Variants in FBXL13 observed in about 807,000 individuals in gnomAD.
FBXL13 encodes the protein F-box and leucine rich repeat protein 13.
Under a neutral mutation model 83.6 loss-of-function variants are expected in FBXL13, and 67 were observed. That is an observed-to-expected ratio of 0.80 (90% CI 0.66 to 0.98). FBXL13 has a LOEUF of 0.98. Among genes scored for constraint, FBXL13 ranks in the 50% least tolerant of loss-of-function variants. The pLI, the probability that FBXL13 is intolerant of heterozygous loss-of-function variation, is 0.00. For synonymous variants in FBXL13, 272 were observed against 299.5 expected (o/e 0.91, Z 0.95); for missense variants, 822 against 866.5 (o/e 0.95, Z 0.64).
intron 17 of FBXL13, among the ~76,000 whole-genome samples, chr7:102,851,120 G>C (rs1805146497): frequency 6.6e-6 from 1 of 152,072 alleles, no homozygotes; most frequent in South Asian, 2.1e-4. Flanking sequence ...TGGCCTTTGA[G>C]GTAATTTTTT....
chr7:102,948,603 T>A (rs1419728319), intron 8 of FBXL13, among the ~76,000 whole-genome samples: 4 of 151,682 alleles, frequency 2.6e-5, no homozygotes, highest in Admixed American at 6.6e-5. Context: ...TTTTGTATTT[T>A]TAGTAGAGAT....
intron 16 of FBXL13, among the ~76,000 whole-genome samples, chr7:102,875,637 A>C (rs143139088): frequency 1.8e-4 from 28 of 152,288 alleles, no homozygotes; most frequent in African/African-American, 6.7e-4. Context: ...AAAAGCAGAA[A>C]CAACCCTGAG....
intron 19 of FBXL13, among the ~76,000 whole-genome samples, chr7:102,820,256 C>T (rs573888626): frequency 6.6e-6 from 1 of 152,304 alleles, no homozygotes; most frequent in East Asian, 1.9e-4. Context: ...ACCAAACCAG[C>T]CCCTTTCTAA....
intron 9 of FBXL13, among the ~76,000 whole-genome samples, chr7:102,927,665 T>G (rs1007985041): frequency 6.6e-6 from 1 of 152,210 alleles, no homozygotes; most frequent in East Asian, 1.9e-4. Flanking sequence ...GAAGGTTCTA[T>G]GCACCCATGC....
At chr7:102,973,709 G>C in intron 6 of FBXL13, 1 of 766,380 alleles carries the variant, frequency 1.3e-6, no homozygotes. Context: ...CCGGACAAAG[G>C]AAGCTCCTCA....
At chr7:102,920,289 A>G (rs1188153549) in intron 10 of FBXL13, among the ~76,000 whole-genome samples, 1 of 152,364 alleles carries the variant, frequency 6.6e-6, no homozygotes, top group Admixed American at 6.5e-5. Context: ...TTCACAGAGC[A>G]AAAGACAGAA....
chr7:102,903,288 A>C (rs950782814), intron 11 of FBXL13, among the ~76,000 whole-genome samples: 4 of 152,020 alleles, frequency 2.6e-5, no homozygotes, highest in Non-Finnish European at 5.9e-5. Flanking sequence ...ACTTTACTGA[A>C]TTTATCAGTT....
chr7:102,813,958 A>G (rs1359972705), intron 19 of FBXL13, among the ~76,000 whole-genome samples: 1 of 152,066 alleles, frequency 6.6e-6, no homozygotes, highest in Non-Finnish European at 1.5e-5. Flanking sequence ...TTTTGACTAC[A>G]TGGATGAACT....
intron 5 of FBXL13, among the ~76,000 whole-genome samples, chr7:103,025,502 G>A (rs1225728493): frequency 6.6e-6 from 1 of 152,176 alleles, no homozygotes; most frequent in African/African-American, 2.4e-5. Context: ...TCACAGATGA[G>A]GAAGTGAGGA....
At chr7:102,830,526 A>G (rs1044365783) in intron 18 of FBXL13, among the ~76,000 whole-genome samples, 5 of 152,342 alleles carry the variant, frequency 3.3e-5, no homozygotes, top group Admixed American at 2.6e-4. Flanking sequence ...CCAGAAAGAC[A>G]TCTGGTTCCC....
chr7:102,941,027 A>T (rs1469010766), intron 8 of FBXL13, among the ~76,000 whole-genome samples: 1 of 152,246 alleles, frequency 6.6e-6, no homozygotes, highest in Non-Finnish European at 1.5e-5. Flanking sequence ...TAGAATGAAC[A>T]TTCTGGAGCC....
At chr7:102,825,753 AAAT>A (rs1450729635) in intron 18 of FBXL13, among the ~76,000 whole-genome samples, 1 of 152,238 alleles carries the variant, frequency 6.6e-6, no homozygotes, top group African/African-American at 2.4e-5. Flanking sequence ...ATGATACCTC[AAAT>A]AATAATGTTT....
In FBXL13 at chr7:103,028,580, G is replaced by T; in HGVS notation, c.217+20C>A. 1 of 1,484,610 alleles carries T rather than the reference G, an allele frequency of 6.7e-7. No homozygotes were observed. The highest frequency in any genetic ancestry group is 9.0e-7 in the Non-Finnish European group (1 of 1,109,026). 92.0% of individuals were successfully genotyped at this position (1,484,610 alleles called of 1,614,324 possible). A position where few individuals can be genotyped will look rare whatever the true frequency, so the allele number is the denominator to read the frequency against. ...CAATAAATGGATACAAAAAGTAATT[G>T]CTACTATGTAAGAATTTACTTTTAA... On this transcript the variant is annotated intron_variant, in intron 4 of 19. Transcript: ENST00000313221.
At chr7:102,999,185 C>T (rs578025421) in intron 6 of FBXL13, among the ~76,000 whole-genome samples, 15 of 151,768 alleles carry the variant, frequency 9.9e-5, no homozygotes, top group East Asian at 1.9e-4. Context: ...AATGTTCATA[C>T]GGTTGTCTTT....
chr7:102,851,178 T>A (rs1805158707), intron 17 of FBXL13, among the ~76,000 whole-genome samples: 1 of 152,170 alleles, frequency 6.6e-6, no homozygotes, highest in Non-Finnish European at 1.5e-5. Flanking sequence ...GTTTCTAAGA[T>A]TCTTTCAGCT....
intron 11 of FBXL13, among the ~76,000 whole-genome samples, chr7:102,903,540 T>C (rs1813241678): frequency 6.6e-6 from 1 of 152,172 alleles, no homozygotes; most frequent in Non-Finnish European, 1.5e-5. Flanking sequence ...AGTATGATAC[T>C]AGCTGTGGGC....
At chr7:103,069,747 T>C (rs1798749648) in intron 1 of FBXL13, among the ~76,000 whole-genome samples, 1 of 152,216 alleles carries the variant, frequency 6.6e-6, no homozygotes, top group Admixed American at 6.5e-5. Context: ...GAACTTCTAT[T>C]GTTCTTTTCT....
chr7:103,050,344 GC>G (rs1796682403), intron 2 of FBXL13, among the ~76,000 whole-genome samples: 1 of 152,168 alleles, frequency 6.6e-6, no homozygotes, highest in Non-Finnish European at 1.5e-5. Context: ...TCCCTGAGCA[GC>G]CCTAGCGTCC....
intron 2 of FBXL13, among the ~76,000 whole-genome samples, chr7:103,048,105 A>C (rs1274614172): frequency 1.3e-5 from 2 of 152,208 alleles, no homozygotes; most frequent in Non-Finnish European, 2.9e-5. Context: ...ATGTTAAATA[A>C]TTCTGTTTAC....
Sources: gnomAD v4.1 joint callset for allele counts (sites outside exome capture counted in the v4.1 genomes callset) on GRCh38, gnomAD v4.1.1 for gene constraint, MANE v1.5 for transcripts, NCBI Gene and HGNC (gene_info 2026-07-23, HGNC 2026-07-21) for gene names.